The following KIAA1217 variants were observed in gnomAD, a reference collection of about 807,000 sequenced individuals.
KIAA1217 encodes the protein sickle tail protein homolog.
Under a neutral mutation model 163.9 loss-of-function variants are expected in KIAA1217, and 88 were observed. That is an observed-to-expected ratio of 0.54 (90% confidence interval 0.45 to 0.64). The LOEUF (loss-of-function observed/expected upper bound fraction) is 0.64, where lower values mean the gene tolerates loss of function less well. Ranked by LOEUF, KIAA1217 falls within the 30% of genes least tolerant of loss-of-function variation. The probability of loss-of-function intolerance (pLI) is 0.00; values close to 1 mark genes in which losing one functional copy is unlikely to be tolerated. For missense variants in KIAA1217, 2,372 were observed against 2,475.0 expected (o/e 0.96, Z 0.88); for synonymous variants, 903 against 923.1 (o/e 0.98, Z 0.39).
intron 1 of KIAA1217, among the ~76,000 whole-genome samples, chr10:24,004,934 G>T (rs1846925837): frequency 6.6e-6 from 1 of 152,228 alleles, no homozygotes; most frequent in South Asian, 2.1e-4. Flanking sequence ...GTGTCCTGGA[G>T]GACCAAAGTG....
chr10:23,859,895 A>T (rs940383240), intron 1 of KIAA1217, among the ~76,000 whole-genome samples: 2 of 151,864 alleles, frequency 1.3e-5, no homozygotes, highest in African/African-American at 4.8e-5. Flanking sequence ...AATTACTCAG[A>T]GTCACAGACC....
intron 16 of KIAA1217, 66 bp from the exon 17 acceptor site, chr10:24,536,708 C>A: frequency 1.3e-6 from 2 of 1,554,650 alleles, no homozygotes; most frequent in Non-Finnish European, 8.8e-7. Flanking sequence ...GTTGTTCCTG[C>A]CTGTTTCCCT....
chr10:24,111,248 T>G (rs1374923240), intron 2 of KIAA1217, among the ~76,000 whole-genome samples: 2 of 152,218 alleles, frequency 1.3e-5, no homozygotes, highest in African/African-American at 4.8e-5. Flanking sequence ...TGTTACAGTT[T>G]AATTAATGGA....
chr10:23,736,361 A>G (rs993793807), intron 1 of KIAA1217, among the ~76,000 whole-genome samples: 2 of 152,120 alleles, frequency 1.3e-5, no homozygotes, highest in African/African-American at 4.8e-5. Flanking sequence ...CCACCTATTG[A>G]GTTGTCCCTC....
chr10:24,423,941 T>C (rs768226447), intron 3 of KIAA1217, among the ~76,000 whole-genome samples: 10 of 152,178 alleles, frequency 6.6e-5, no homozygotes, highest in Non-Finnish European at 1.3e-4. Flanking sequence ...TACATTGTCC[T>C]CAAGTATCAG....
intron 3 of KIAA1217, among the ~76,000 whole-genome samples, chr10:24,429,807 G>A (rs545434974): frequency 3.9e-5 from 6 of 152,188 alleles, no homozygotes; most frequent in East Asian, 1.9e-4. Context: ...TGGCTGCTTC[G>A]CTATGGGGTG....
intron 2 of KIAA1217, among the ~76,000 whole-genome samples, chr10:24,045,735 C>A (rs192224729): frequency 1.1e-4 from 16 of 152,196 alleles, no homozygotes; most frequent in Non-Finnish European, 1.9e-4. Context: ...ATGTACTTAT[C>A]TTTGCCTGTT....
At position 23,945,327 on chromosome 10, in the gene KIAA1217, C is replaced by T. The variant is rs796404795; in HGVS notation, c.-320-61898C>T. 4.6e-5 allele frequency among the ~76,000 whole-genome samples: 7 copies of T among 152,200 alleles called. 1 individual carries two copies. The South Asian group carries it at 1.0e-3, about 23-fold the overall frequency. On this transcript the variant is annotated intron_variant, in intron 1 of 18. Coordinates refer to the KIAA1217 transcript ENST00000376462. The stretch of plus-strand genomic sequence containing the variant: ...AGGTAAATATTGATACCTGCAACCA[C>T]GTGGATGAATCTAAAATCATTAAGC...
At chr10:24,409,808 T>C (rs2131301304) in intron 3 of KIAA1217, among the ~76,000 whole-genome samples, 1 of 152,202 alleles carries the variant, frequency 6.6e-6, no homozygotes, top group Middle Eastern at 3.4e-3. Flanking sequence ...TAAGTCCTCA[T>C]AGCTCAGCTC....
intron 2 of KIAA1217, among the ~76,000 whole-genome samples, chr10:24,120,011 C>A (rs1379677809): frequency 6.6e-6 from 1 of 152,176 alleles, no homozygotes; most frequent in Non-Finnish European, 1.5e-5. Flanking sequence ...CTCCAGCTTT[C>A]CCTATTCTTT....
chr10:24,474,575 CA>C (rs1462642219), intron 6 of KIAA1217, among the ~76,000 whole-genome samples: 1 of 152,184 alleles, frequency 6.6e-6, no homozygotes, highest in African/African-American at 2.4e-5. Context: ...GGAGGATAAA[CA>C]TCTGAATTTG....
At chr10:24,181,995 T>C (rs564327669) in intron 2 of KIAA1217, among the ~76,000 whole-genome samples, 1 of 152,330 alleles carries the variant, frequency 6.6e-6, no homozygotes, top group Admixed American at 6.5e-5. Context: ...GAGAGAATTG[T>C]GGAATTTAGA....
chr10:24,487,049 T>C (rs542001496), intron 6 of KIAA1217, among the ~76,000 whole-genome samples: 4 of 152,250 alleles, frequency 2.6e-5, no homozygotes, highest in African/African-American at 4.8e-5. Context: ...CTGTTTTTGC[T>C]TCCACTAAAT....
intron 3 of KIAA1217, among the ~76,000 whole-genome samples, chr10:24,414,453 A>G (rs1041890252): frequency 5.3e-5 from 8 of 152,228 alleles, no homozygotes; most frequent in East Asian, 3.8e-4. Context: ...ACTTTGCTTG[A>G]TAAGTTCCTC....
intron 2 of KIAA1217, among the ~76,000 whole-genome samples, chr10:24,233,214 G>C (rs1262041435): frequency 6.6e-6 from 1 of 152,182 alleles, no homozygotes; most frequent in Non-Finnish European, 1.5e-5. Flanking sequence ...ATGACCAAAA[G>C]GGGAGCCTCT....
At chr10:24,161,850 G>T (rs1028231557) in intron 2 of KIAA1217, among the ~76,000 whole-genome samples, 1 of 152,222 alleles carries the variant, frequency 6.6e-6, no homozygotes, top group African/African-American at 2.4e-5. Flanking sequence ...GTAGAACCAA[G>T]CTCAGCTCTT....
At chr10:24,045,264 A>ATC (rs1848921349) in intron 2 of KIAA1217, among the ~76,000 whole-genome samples, 1 of 151,876 alleles carries the variant, frequency 6.6e-6, no homozygotes, top group Admixed American at 6.6e-5. Context: ...TCTCTCTCGA[A>ATC]GCTTTAAGGA....
intron 1 of KIAA1217, among the ~76,000 whole-genome samples, chr10:23,919,477 G>A (rs538128153): frequency 1.3e-5 from 2 of 151,842 alleles, no homozygotes; most frequent in East Asian, 2.0e-4. Context: ...GCAGTGGCAT[G>A]TGTCTGTAAT....
rs534278890 is a variant in KIAA1217, at chr10:23,849,136, A to C, written c.-321+153902A>C. Among the ~76,000 whole-genome samples the C allele has an allele frequency of 4.8e-3, 735 of 152,238 alleles. 10 individuals carry two copies. The highest frequency in any genetic ancestry group is 0.016 in the African/African-American group (664 of 41,572). Reference sequence around the variant, plus strand: ...ATACAATTCTTCATAATTAGCTTGCATTAAGTGTTGGTAGAACAACTGAAT... The same window carrying C: ...ATACAATTCTTCATAATTAGCTTGCCTTAAGTGTTGGTAGAACAACTGAAT... On this transcript the variant is annotated intron_variant, in intron 1 of 18. Transcript: ENST00000376462.
Sources: allele counts gnomAD v4.1 joint callset (sites outside exome capture counted in the v4.1 genomes callset), GRCh38; gene constraint gnomAD v4.1.1; transcripts MANE v1.5; gene names NCBI Gene and HGNC (gene_info 2026-07-23, HGNC 2026-07-21).